Variants in USP10 observed in about 807,000 individuals in gnomAD.
USP10 encodes the protein ubiquitin carboxyl-terminal hydrolase 10.
USP10 carries 22 observed loss-of-function variants against 84.5 expected under a neutral mutation model. The ratio of observed to expected loss-of-function variants is 0.26; its 90% CI spans 0.19 to 0.37. The LOEUF is 0.37. USP10 is among the 10% of genes least tolerant of loss of function. The probability of loss-of-function intolerance (pLI) is 1.00; values close to 1 mark genes in which losing one functional copy is unlikely to be tolerated. For missense variants in USP10, 1,019 were observed against 998.9 expected (o/e 1.02, Z -0.27); for synonymous variants, 454 against 387.6 (o/e 1.17, Z -2.01).
intron 1 of USP10, among the ~76,000 whole-genome samples, chr16:84,726,608 G>A (rs961498855): frequency 1.3e-5 from 2 of 152,156 alleles, no homozygotes; most frequent in Non-Finnish European, 2.9e-5. Context: ...CCCTTTTCTC[G>A]AAGTGTTTCT....
rs1030667033 is a variant in USP10, at chr16:84,707,711, G to T, written c.21+7600G>T. 6.6e-5 allele frequency among the ~76,000 whole-genome samples: 10 copies of T among 152,324 alleles called. No individual in the cohort carries two copies. The East Asian group carries it at 1.7e-3, about 26-fold the overall frequency. On this transcript the variant is annotated intron_variant, in intron 1 of 13. Transcript: ENST00000219473. ...GATTGAAGTGACTTATCAGGATCCA[G>T]TGTGCAGGGGATTGTGGAAGTGCTG...
intron 5 of USP10, among the ~76,000 whole-genome samples, 179 bp downstream of exon 5, chr16:84,758,986 A>G (rs1380725757): frequency 1.4e-4 from 21 of 152,200 alleles, no homozygotes. Flanking sequence ...ACCCCAGTCC[A>G]TCTCCCTCTA....
chr16:84,728,310 A>G (rs181725482), intron 1 of USP10, among the ~76,000 whole-genome samples: 1 of 152,244 alleles, frequency 6.6e-6, no homozygotes, highest in East Asian at 1.9e-4. Flanking sequence ...TATTGAATAA[A>G]TTGAATAAAT....
chr16:84,737,887 C>T (rs947848289), intron 2 of USP10, among the ~76,000 whole-genome samples: 1 of 152,230 alleles, frequency 6.6e-6, no homozygotes, highest in Non-Finnish European at 1.5e-5. Context: ...AGCCTCTCCA[C>T]CCTCAGTCAG....
intron 12 of USP10, among the ~76,000 whole-genome samples, chr16:84,774,160 G>C (rs921656633): frequency 4.6e-5 from 7 of 152,056 alleles, no homozygotes; most frequent in Admixed American, 3.3e-4. Context: ...TGAGGCAGGA[G>C]AATCGCTTGA....
intron 1 of USP10, among the ~76,000 whole-genome samples, chr16:84,705,911 G>A (rs1343938164): frequency 2.0e-5 from 3 of 151,458 alleles, no homozygotes; most frequent in Non-Finnish European, 2.9e-5. Flanking sequence ...TAGTAGAAAC[G>A]GGGTTTCACC....
At chr16:84,748,774 ATGT>A (rs758304284) in intron 4 of USP10, among the ~76,000 whole-genome samples, 1 of 152,208 alleles carries the variant, frequency 6.6e-6, no homozygotes, top group Non-Finnish European at 1.5e-5. Flanking sequence ...ATAGTTTGTT[ATGT>A]TCTGTATATG....
chr16:84,711,842 C>G (rs1311262765), intron 1 of USP10, among the ~76,000 whole-genome samples: 1 of 151,534 alleles, frequency 6.6e-6, no homozygotes, highest in Non-Finnish European at 1.5e-5. Context: ...GCCTCAGCCT[C>G]CTGAGTAGCT....
intron 12 of USP10, 27 bp downstream of exon 12, chr16:84,772,712 T>A: frequency 1.2e-6 from 2 of 1,612,172 alleles, no homozygotes; most frequent in Non-Finnish European, 1.7e-6. Flanking sequence ...GTCGGGAGTG[T>A]TCGTGGTGAC....
intron 11 of USP10, among the ~76,000 whole-genome samples, chr16:84,771,113 G>A (rs139374842): frequency 1.3e-5 from 2 of 151,782 alleles, no homozygotes; most frequent in African/African-American, 4.8e-5. Flanking sequence ...GACTTTGTAA[G>A]TACAGAGAAT....
chr16:84,712,716 T>C (rs1906477409), intron 1 of USP10, among the ~76,000 whole-genome samples: 1 of 152,224 alleles, frequency 6.6e-6, no homozygotes, highest in African/African-American at 2.4e-5. Context: ...GCATTTAGAA[T>C]GCATGAGTGA....
chr16:84,722,633 C>G (rs1464315037), intron 1 of USP10, among the ~76,000 whole-genome samples: 3 of 152,124 alleles, frequency 2.0e-5, no homozygotes, highest in Non-Finnish European at 4.4e-5. Context: ...GTGATCTTGG[C>G]TCACTGAAAC....
chr16:84,771,261 C>T (rs1298994423), intron 11 of USP10, among the ~76,000 whole-genome samples: 3 of 152,144 alleles, frequency 2.0e-5, no homozygotes, highest in Non-Finnish European at 2.9e-5. Context: ...GAATAAATAG[C>T]TTTAAAGGTT....
intron 10 of USP10, among the ~76,000 whole-genome samples, chr16:84,764,993 C>T (rs749420109): frequency 3.0e-5 from 4 of 135,432 alleles, no homozygotes; most frequent in Non-Finnish European, 6.3e-5. Context: ...AACATAAAAC[C>T]ACCTCCGGGA....
At chr16:84,727,145 C>T (rs1312629586) in intron 1 of USP10, among the ~76,000 whole-genome samples, 1 of 152,098 alleles carries the variant, frequency 6.6e-6, no homozygotes, top group Admixed American at 6.5e-5. Flanking sequence ...TTACAAGAAA[C>T]GATGAACTTA....
intron 8 of USP10, 44 bp from the exon 9 acceptor site, chr16:84,762,945 C>T (rs777404021): frequency 7.8e-7 from 1 of 1,280,036 alleles, no homozygotes; most frequent in East Asian, 2.4e-5. Flanking sequence ...AGGCCTTTGA[C>T]AGTGATCAGT....
intron 11 of USP10, among the ~76,000 whole-genome samples, chr16:84,768,951 G>A (rs181346517): frequency 3.3e-5 from 5 of 152,314 alleles, no homozygotes; most frequent in Admixed American, 2.6e-4. Context: ...TCAGTTGGGC[G>A]AGACGGATAG....
chr16:84,760,304 T>C (rs1395427271), intron 8 of USP10, 29 bp downstream of exon 8: 1 of 1,557,784 alleles, frequency 6.4e-7, no homozygotes, highest in African/African-American at 1.4e-5. Flanking sequence ...GTCACTAGTA[T>C]CAAGTGTTGC....
At chr16:84,713,160 T>G (rs773593703) in intron 1 of USP10, among the ~76,000 whole-genome samples, 19 of 152,328 alleles carry the variant, frequency 1.2e-4, no homozygotes, top group Middle Eastern at 3.4e-3. Flanking sequence ...CTTTGTGACC[T>G]TAGATATCTC....
Sources: gnomAD v4.1 joint callset for allele counts (sites outside exome capture counted in the v4.1 genomes callset) on GRCh38, gnomAD v4.1.1 for gene constraint, MANE v1.5 for transcripts, NCBI Gene and HGNC (gene_info 2026-07-23, HGNC 2026-07-21) for gene names.